The following PIN4 variants were observed in gnomAD, a reference collection of about 807,000 sequenced individuals.
The protein encoded by PIN4 is peptidyl-prolyl cis-trans isomerase NIMA-interacting 4.
A neutral mutation model predicts 8.3 loss-of-function variants in PIN4; 3 were observed. The observed-to-expected ratio is 0.36, with a 90% CI of 0.16 to 0.93. PIN4 has a LOEUF of 0.93. Ranked by LOEUF, PIN4 falls within the 40% of genes least tolerant of loss-of-function variation. PIN4 has a pLI of 0.44. For missense variants in PIN4, 75 were observed against 100.6 expected (o/e 0.75, Z 1.09); for synonymous variants, 18 against 32.5 (o/e 0.55, Z 1.52).
chrX:72,260,676 G>A (rs772234217), intron 3 of PIN4, among the ~76,000 whole-genome samples: 46 of 111,596 alleles, frequency 4.1e-4, no homozygotes, highest in Non-Finnish European at 7.2e-4. Flanking sequence ...GTCTCTCCCC[G>A]GACCTCTTCC....
At chrX:72,190,210 G>A (rs139149371) in intron 2 of PIN4, among the ~76,000 whole-genome samples, 2,878 of 111,658 alleles carry the variant, frequency 0.026, 117 homozygotes, top group African/African-American at 0.087. Flanking sequence ...AGGAGGTCCA[G>A]TTTTTCTTTT....
chrX:72,238,234 A>G (rs1432258924), intron 3 of PIN4, among the ~76,000 whole-genome samples: 1 of 112,140 alleles, frequency 8.9e-6, no homozygotes, highest in East Asian at 2.8e-4. Context: ...ACCACAATTT[A>G]AGAAAAAATT....
chrX:72,251,190 T>G (rs1202998020), intron 3 of PIN4, among the ~76,000 whole-genome samples: 2 of 103,179 alleles, frequency 1.9e-5, no homozygotes, highest in African/African-American at 7.1e-5. Flanking sequence ...ACCCCGTCTC[T>G]ACTAAAAATA....
At chrX:72,258,162 T>C (rs1210580503) in intron 3 of PIN4, among the ~76,000 whole-genome samples, 1 of 111,324 alleles carries the variant, frequency 9.0e-6, no homozygotes, top group African/African-American at 3.3e-5. Flanking sequence ...GGAAGTCCTG[T>C]GCAAGGAAAG....
At chrX:72,236,362 C>T (rs1438155999) in intron 3 of PIN4, among the ~76,000 whole-genome samples, 1 of 111,252 alleles carries the variant, frequency 9.0e-6, no homozygotes, top group African/African-American at 3.3e-5. Flanking sequence ...GCAGTGGCGC[C>T]ATCTCAGCTC....
rs1358731502 is a variant in PIN4, at chrX:72,231,700, C to T, written c.313-31007C>T. Among the ~76,000 whole-genome samples, 13 of 110,650 alleles carry T rather than the reference C, an allele frequency of 1.2e-4. No individual in the cohort carries two copies. The East Asian group carries it at 1.4e-3, about 12-fold the overall frequency. On this transcript the variant is annotated intron_variant, in intron 3 of 3. Coordinates refer to the PIN4 transcript ENST00000423432. ...TCCCGAGTAGCTGGGACTACAGATG[C>T]GTACCACCACACACAACTAATTTTT...
chrX:72,260,024 C>T (rs1215416347), intron 3 of PIN4, among the ~76,000 whole-genome samples: 1 of 110,046 alleles, frequency 9.1e-6, no homozygotes, highest in Non-Finnish European at 1.9e-5. Context: ...CAGGCAGAAG[C>T]CACCGCGCCT....
downstream of PIN4, among the ~76,000 whole-genome samples, chrX:72,200,161 CA>C (rs1176406555): frequency 0.018 from 783 of 44,394 alleles, 4 homozygotes; most frequent in African/African-American, 0.044. Flanking sequence ...AAAACTGTCT[CA>C]AAAAAAAAAA....
Position 72,185,164 on chromosome X carries a change from A to AC in PIN4, c.44-1297_44-1296insC, listed in dbSNP as rs1384943106. Among the ~76,000 whole-genome samples, 91 of 104,544 alleles carry AC rather than the reference A, an allele frequency of 8.7e-4. 1 individual carries two copies. The Admixed American group carries it at 9.4e-3, about 11-fold the overall frequency. The allele number at this position is 104,544 out of a possible 115,157, so 90.8% of individuals were successfully genotyped here. A position where few individuals can be genotyped will look rare whatever the true frequency, so the allele number is the denominator to read the frequency against. On this transcript the variant is annotated intron_variant, in intron 1 of 3. Coordinates refer to ENST00000373669, the MANE Select transcript of PIN4 (RefSeq NM_006223.4). Reference sequence around the variant, plus strand: ...CTCCGTCTCAAAAAAAAAAAAAAAAAAACAACTTTTCAATGGCTCCCTATT... The same window carrying AC: ...CTCCGTCTCAAAAAAAAAAAAAAAAACAACAACTTTTCAATGGCTCCCTATT...
chrX:72,258,861 T>C (rs1327961094), intron 3 of PIN4, among the ~76,000 whole-genome samples: 1 of 110,971 alleles, frequency 9.0e-6, no homozygotes, highest in African/African-American at 3.3e-5. Context: ...CACCCCCTAC[T>C]CAATACTCCC....
downstream of PIN4, chrX:72,198,377 C>A (rs977146066): frequency 1.3e-5 from 9 of 700,933 alleles, no homozygotes; most frequent in Non-Finnish European, 1.5e-5. Context: ...TAACACACTG[C>A]CTTCTCTCCC....
intron 3 of PIN4, chrX:72,205,100 A>G: frequency 8.3e-7 from 1 of 1,211,674 alleles, no homozygotes; most frequent in African/African-American, 1.7e-5. Context: ...GCTTTAACTA[A>G]GCAGTTTAGG....
chrX:72,206,245 T>A, intron 3 of PIN4: 1 of 1,209,016 alleles, frequency 8.3e-7, no homozygotes, highest in Non-Finnish European at 1.1e-6. Flanking sequence ...TTGTACAGCT[T>A]CATTTTTAGT....
At chrX:72,239,163 A>G (rs1037315325) in intron 3 of PIN4, 40 of 380,393 alleles carry the variant, frequency 1.1e-4, no homozygotes, top group African/African-American at 1.0e-3. Context: ...GCCGGGAAGC[A>G]GAAGGTGATC....
chrX:72,186,246 C>G, intron 1 of PIN4: 1 of 447,315 alleles, frequency 2.2e-6, no homozygotes, highest in South Asian at 2.8e-5. Flanking sequence ...TGTCAACTAT[C>G]ATTAGTGTTA....
At chrX:72,207,600 A>G (rs1470971581) in intron 3 of PIN4, 6 of 1,209,868 alleles carry the variant, frequency 5.0e-6, no homozygotes, top group Non-Finnish European at 6.7e-6. Flanking sequence ...ACTCCTTGAT[A>G]TGATCTAAAG....
At chrX:72,233,615 G>A (rs1029592286) in intron 3 of PIN4, among the ~76,000 whole-genome samples, 4 of 108,328 alleles carry the variant, frequency 3.7e-5, no homozygotes, top group African/African-American at 1.0e-4. Flanking sequence ...CCAGCTACTC[G>A]GGAGGCTGAG....
intron 3 of PIN4, among the ~76,000 whole-genome samples, chrX:72,242,074 T>C (rs1300634207): frequency 1.8e-5 from 2 of 111,502 alleles, no homozygotes; most frequent in African/African-American, 6.5e-5. Context: ...ATCGCTCATA[T>C]CCGGGGAATT....
intron 2 of PIN4, 81 bp from the exon 3 acceptor site, chrX:72,196,704 G>C: frequency 1.2e-6 from 1 of 842,080 alleles, no homozygotes; most frequent in African/African-American, 2.1e-5. Context: ...TAACTGGTGG[G>C]GGTAATCCAA....
Sources: gnomAD v4.1 joint callset for allele counts (sites outside exome capture counted in the v4.1 genomes callset) on GRCh38, gnomAD v4.1.1 for gene constraint, MANE v1.5 for transcripts, NCBI Gene and HGNC (gene_info 2026-07-23, HGNC 2026-07-21) for gene names.